The following UQCC1 variants were observed in gnomAD, a reference collection of about 807,000 sequenced individuals.
The protein encoded by UQCC1 is ubiquinol-cytochrome c reductase complex assembly factor 1, also known as bFGF-repressed Zic-binding protein.
A neutral mutation model predicts 48.0 loss-of-function variants in UQCC1; 38 were observed. That is an observed-to-expected ratio of 0.79 (90% CI 0.61 to 1.04). The LOEUF is 1.04. UQCC1 is among the 50% of genes least tolerant of loss of function. The pLI, the probability that UQCC1 is intolerant of heterozygous loss-of-function variation, is 0.00. For missense variants in UQCC1, 368 were observed against 381.8 expected (o/e 0.96, Z 0.30); for synonymous variants, 111 against 129.2 (o/e 0.86, Z 0.95).
chr20:35,314,851 C>A, intron 7 of UQCC1, 86 bp from the exon 8 acceptor site: 1 of 1,050,720 alleles, frequency 9.5e-7, no homozygotes. Context: ...TTAGCTGTCA[C>A]AGACTCTTAG....
chr20:35,361,580 T>C (rs759003779), intron 6 of UQCC1, among the ~76,000 whole-genome samples: 5 of 152,224 alleles, frequency 3.3e-5, no homozygotes, highest in Admixed American at 3.3e-4. Flanking sequence ...GGTACTTTAG[T>C]ATTAATTAAC....
intron 7 of UQCC1, among the ~76,000 whole-genome samples, chr20:35,330,493 T>C (rs1462891557): frequency 2.0e-5 from 3 of 152,242 alleles, no homozygotes; most frequent in Non-Finnish European, 4.4e-5. Context: ...TGGGGCTTCC[T>C]GCCATCAGCC....
rs150627578 is a variant in UQCC1 at position 35,306,135 on chromosome 20, G to A, written c.765+531C>T. Among the ~76,000 whole-genome samples the A allele has an allele frequency of 7.7e-4, 117 of 152,266 alleles. 1 individual carries two copies. Among genetic ancestry groups the A allele is most frequent in the East Asian group, 2.3e-3 (12 of 5,186 alleles). On this transcript the variant is annotated intron_variant, in intron 9 of 9. Transcript: ENST00000374385. ...GCTTTCTCGTAGAAGCTTTGATGTC[G>A]GGGAGCCCTGGGGAGCCAGAGGGGT...
intron 8 of UQCC1, chr20:35,309,326 G>A (rs2060964523): frequency 2.6e-6 from 1 of 383,192 alleles, no homozygotes; most frequent in Non-Finnish European, 5.3e-6. Context: ...CAGCTACTCG[G>A]GAGGATGAGG....
chr20:35,310,644 CAA>C (rs1199768843), intron 8 of UQCC1, among the ~76,000 whole-genome samples: 3,023 of 43,746 alleles, frequency 0.069, 22 homozygotes, highest in African/African-American at 0.15. Flanking sequence ...GACTCTGTCT[CAA>C]AAAAAAAAAA....
chr20:35,382,060 T>G, intron 3 of UQCC1, 35 bp from the exon 4 acceptor site: 3 of 1,428,780 alleles, frequency 2.1e-6, no homozygotes, highest in Non-Finnish European at 2.9e-6. Flanking sequence ...TAAAATTAGT[T>G]GCAAAAAATT....
intron 8 of UQCC1, chr20:35,309,302 C>A: frequency 2.4e-6 from 1 of 408,706 alleles, no homozygotes; most frequent in Non-Finnish European, 5.0e-6. Flanking sequence ...CATGGTGGCA[C>A]ACAAGTGTAG....
intron 9 of UQCC1, chr20:35,304,686 G>T (rs984195363): frequency 6.5e-6 from 1 of 153,834 alleles, no homozygotes; most frequent in African/African-American, 2.4e-5. Flanking sequence ...GTGGGCCCCA[G>T]TATCACCTCT....
chr20:35,375,686 C>T (rs150057992), intron 4 of UQCC1, among the ~76,000 whole-genome samples: 5 of 151,262 alleles, frequency 3.3e-5, no homozygotes, highest in Admixed American at 1.3e-4. Context: ...CATGGTGGCT[C>T]ACGCCTGTAA....
intron 7 of UQCC1, chr20:35,344,327 T>C (rs1182486225): frequency 6.6e-6 from 1 of 152,366 alleles, no homozygotes; most frequent in Non-Finnish European, 1.5e-5. Flanking sequence ...AATTCAACTG[T>C]GGCGAGAGGC....
intron 2 of UQCC1, among the ~76,000 whole-genome samples, chr20:35,385,973 G>A (rs1026669389): frequency 1.3e-5 from 2 of 151,614 alleles, no homozygotes; most frequent in Non-Finnish European, 2.9e-5. Flanking sequence ...CCAGAGTGGT[G>A]CATTTGATAC....
rs2060898480 is a variant in UQCC1, at chr20:35,303,948, T to A, written c.887A>T (p.Asp296Val). 4 of 1,614,044 alleles carry A rather than the reference T, an allele frequency of 2.5e-6. No homozygotes were observed. In the East Asian group the frequency reaches 8.9e-5, roughly 36 times the overall value. ...GGGCCCAGCCCATCAAAGTCCCTCGTCGTTGTAAGTCGGAGAATGGGGCTT... is the reference window on the plus strand; with the variant it reads ...GGGCCCAGCCCATCAAAGTCCCTCGACGTTGTAAGTCGGAGAATGGGGCTT... Reference protein sequence around the residue: ...ILKPHSPTYNDEGL With the variant: ...ILKPHSPTYNVEGL Residue 296 changes from aspartate (D) to valine (V), a missense_variant, in exon 10 of 10, where the codon GAC (aspartate) becomes GTC (valine). Transcript: ENST00000374385.
chr20:35,402,718 G>A (rs1406373751), intron 1 of UQCC1, among the ~76,000 whole-genome samples: 7 of 152,004 alleles, frequency 4.6e-5, no homozygotes. Flanking sequence ...GCTTGAACCC[G>A]GGAGGCGGAG....
chr20:35,336,523 T>C (rs1454624410), intron 7 of UQCC1, among the ~76,000 whole-genome samples: 1 of 152,042 alleles, frequency 6.6e-6, no homozygotes, highest in Non-Finnish European at 1.5e-5. Context: ...GAAATTGCAG[T>C]GATGCAGCCA....
At chr20:35,340,499 G>A (rs1163625551) in intron 7 of UQCC1, among the ~76,000 whole-genome samples, 1 of 152,098 alleles carries the variant, frequency 6.6e-6, no homozygotes, top group Non-Finnish European at 1.5e-5. Flanking sequence ...CTGTCCTTTA[G>A]TTACACTCAC....
chr20:35,363,784 A>G (rs1014797353), intron 6 of UQCC1, among the ~76,000 whole-genome samples: 3 of 152,022 alleles, frequency 2.0e-5, no homozygotes, highest in Non-Finnish European at 4.4e-5. Flanking sequence ...TACCACCTCC[A>G]AGAGGTACTT....
At chr20:35,314,579 T>C (rs1336251776) in intron 8 of UQCC1, 109 bp downstream of exon 8, 1 of 798,686 alleles carries the variant, frequency 1.3e-6, no homozygotes, top group Non-Finnish European at 2.0e-6. Flanking sequence ...TACTACGCCA[T>C]GGTGGTAGCC....
intron 7 of UQCC1, among the ~76,000 whole-genome samples, chr20:35,335,290 T>C (rs1049966583): frequency 1.3e-5 from 2 of 152,116 alleles, no homozygotes; most frequent in African/African-American, 4.8e-5. Context: ...TGTTCAGACA[T>C]AAACTTATAT....
chr20:35,313,241 T>C (rs2061013732), intron 8 of UQCC1, among the ~76,000 whole-genome samples: 1 of 151,672 alleles, frequency 6.6e-6, no homozygotes, highest in Non-Finnish European at 1.5e-5. Flanking sequence ...CCGGGTGTGG[T>C]GGCAGGCGCC....
Sources: gnomAD v4.1 joint callset for allele counts (sites outside exome capture counted in the v4.1 genomes callset) on GRCh38, gnomAD v4.1.1 for gene constraint, MANE v1.5 for transcripts, NCBI Gene and HGNC (gene_info 2026-07-23, HGNC 2026-07-21) for gene names.